Variants in SATB2 observed in about 807,000 individuals in gnomAD.
SATB2 encodes the protein DNA-binding protein SATB2.
A neutral mutation model predicts 73.4 loss-of-function variants in SATB2; 1 was observed. That is an observed-to-expected ratio of 0.01 (90% confidence interval 0.00 to 0.06). The LOEUF is 0.06. SATB2 is among the 10% of genes least tolerant of loss of function. The probability of loss-of-function intolerance (pLI) is 1.00; values close to 1 mark genes in which losing one functional copy is unlikely to be tolerated. For synonymous variants in SATB2, 397 were observed against 367.0 expected (o/e 1.08, Z -0.93); for missense variants, 459 against 945.8 (o/e 0.49, Z 6.75).
chr2:199,338,279 GATC>G (rs1220297796), intron 7 of SATB2, among the ~76,000 whole-genome samples: 1 of 151,338 alleles, frequency 6.6e-6, no homozygotes, highest in Non-Finnish European at 1.5e-5. Context: ...GAGGTGGAAG[GATC>G]ACTTGAACTC....
chr2:199,277,477 T>C (rs1692351535), intron 10 of SATB2, among the ~76,000 whole-genome samples: 1 of 152,232 alleles, frequency 6.6e-6, no homozygotes, highest in Admixed American at 6.5e-5. Flanking sequence ...TCCTTTTTAC[T>C]CTTGATCTTT....
Position 199,308,750 on chromosome 2 carries a change from G to C in SATB2, c.1740+10C>G. 1 of 1,613,282 alleles carries C rather than the reference G, an allele frequency of 6.2e-7. No homozygotes were observed. Among genetic ancestry groups the C allele is most frequent in the Non-Finnish European group, 8.5e-7 (1 of 1,179,332 alleles). On this transcript the variant is annotated intron_variant, in intron 10 of 10. Coordinates refer to ENST00000417098, the MANE Select transcript of SATB2 (RefSeq NM_001172509.2). The surrounding 1 kb of genome is among the most constrained non-coding windows in gnomAD (Gnocchi z 4.6). ...TGATCAGGTGGGGTACGGCGGTCGG[G>C]GACACTGACCTGCACCGGCTCAGGG...
At chr2:199,337,767 A>G (rs1416112330) in intron 7 of SATB2, among the ~76,000 whole-genome samples, 1 of 152,232 alleles carries the variant, frequency 6.6e-6, no homozygotes, top group African/African-American at 2.4e-5. Context: ...TTTCAAATTG[A>G]TAACAATTAT....
chr2:199,325,039 T>G (rs1187609614), intron 8 of SATB2, among the ~76,000 whole-genome samples: 4 of 152,140 alleles, frequency 2.6e-5, no homozygotes, highest in Non-Finnish European at 4.4e-5. Flanking sequence ...TAACAGGCAG[T>G]GTGGACTCTG....
intron 6 of SATB2, among the ~76,000 whole-genome samples, chr2:199,351,123 G>T (rs1415855166): frequency 6.7e-6 from 1 of 149,398 alleles, no homozygotes; most frequent in Non-Finnish European, 1.5e-5. Flanking sequence ...CTTCTTTTAG[G>T]GCTCAATTTC....
intron 5 of SATB2, among the ~76,000 whole-genome samples, chr2:199,379,330 T>C (rs1308905740): frequency 4.6e-5 from 7 of 152,226 alleles, no homozygotes; most frequent in South Asian, 4.1e-4. Flanking sequence ...ATGCATTTTC[T>C]TCTTGTGAAT....
chr2:199,447,452 G>T (rs1433177073), intron 2 of SATB2, among the ~76,000 whole-genome samples: 2 of 152,144 alleles, frequency 1.3e-5, no homozygotes, highest in African/African-American at 4.8e-5. Flanking sequence ...CTCCCCTTCA[G>T]CCTAGTTTGG....
At chr2:199,328,677 T>C (rs757339595) in intron 8 of SATB2, 21 bp downstream of exon 8, 1 of 1,599,562 alleles carries the variant, frequency 6.3e-7, no homozygotes, top group East Asian at 2.2e-5. Context: ...GAGTGAAAAA[T>C]ACGGAAAGCA....
intron 3 of SATB2, among the ~76,000 whole-genome samples, chr2:199,410,861 G>A (rs192674983): frequency 6.6e-6 from 1 of 152,024 alleles, no homozygotes. Flanking sequence ...TACATTTATG[G>A]TCTGGTAAGA....
At chr2:199,399,180 G>C (rs549131792) in intron 3 of SATB2, among the ~76,000 whole-genome samples, 1 of 152,226 alleles carries the variant, frequency 6.6e-6, no homozygotes, top group African/African-American at 2.4e-5. Context: ...GCTGAGGTGG[G>C]AGGGTGGCCT....
At chr2:199,319,284 C>T (rs1687820375) in intron 9 of SATB2, among the ~76,000 whole-genome samples, 1 of 152,084 alleles carries the variant, frequency 6.6e-6, no homozygotes, top group African/African-American at 2.4e-5. Context: ...AGCCAGTGGG[C>T]CTGCAAGGGC....
chr2:199,338,251 C>T (rs1688394504), intron 7 of SATB2, among the ~76,000 whole-genome samples: 1 of 152,054 alleles, frequency 6.6e-6, no homozygotes, highest in Non-Finnish European at 1.5e-5. Context: ...GGCTGTAATC[C>T]CAGCTACTCG....
At chr2:199,399,175 G>A (rs71424224) in intron 3 of SATB2, among the ~76,000 whole-genome samples, 1 of 152,220 alleles carries the variant, frequency 6.6e-6, no homozygotes, top group East Asian at 1.9e-4. Flanking sequence ...GGGAGGCTGA[G>A]GTGGGAGGGT....
chr2:199,437,797 GA>G (rs1184783784), intron 2 of SATB2, among the ~76,000 whole-genome samples: 1 of 151,614 alleles, frequency 6.6e-6, no homozygotes, highest in Non-Finnish European at 1.5e-5. Flanking sequence ...TTTTACAGAG[GA>G]AAAAAATTAA....
At chr2:199,383,277 G>A (rs1260665579) in intron 3 of SATB2, among the ~76,000 whole-genome samples, 1 of 152,070 alleles carries the variant, frequency 6.6e-6, no homozygotes, top group African/African-American at 2.4e-5. Context: ...TTTTCTTGCG[G>A]GGATAGTTTT....
intron 2 of SATB2, among the ~76,000 whole-genome samples, chr2:199,438,125 T>A (rs1691706848): frequency 6.6e-6 from 1 of 152,172 alleles, no homozygotes; most frequent in East Asian, 1.9e-4. Context: ...ATAAAATTAT[T>A]TTTTAAAAGT....
chr2:199,331,046 CTG>C (rs1337785382), intron 7 of SATB2, among the ~76,000 whole-genome samples: 1 of 152,066 alleles, frequency 6.6e-6, no homozygotes, highest in African/African-American at 2.4e-5. Context: ...TATTCTTCCT[CTG>C]TGAAATTATT....
At chr2:199,459,196 G>T (rs562989709), upstream of SATB2, among the ~76,000 whole-genome samples, 369 of 152,166 alleles carry the variant, frequency 2.4e-3, 2 homozygotes, top group African/African-American at 7.6e-3. This position sits in a 1 kb window ranked among gnomAD's most constrained non-coding sequence, Gnocchi z 4.2. Context: ...TCGAGCCCAG[G>T]GCTGCTGGCG....
At chr2:199,411,206 A>G (rs1249959639) in intron 3 of SATB2, among the ~76,000 whole-genome samples, 1 of 151,288 alleles carries the variant, frequency 6.6e-6, no homozygotes, top group Admixed American at 6.6e-5. Flanking sequence ...CCAAGTCACT[A>G]TGTCCAGAAA....
Sources: allele counts gnomAD v4.1 joint callset (sites outside exome capture counted in the v4.1 genomes callset), GRCh38; gene constraint gnomAD v4.1.1; non-coding constraint Gnocchi (gnomAD v3.1); transcripts MANE v1.5; gene names NCBI Gene and HGNC (gene_info 2026-07-23, HGNC 2026-07-21).